INPP4B: variants seen among roughly 807,000 people sequenced by gnomAD.
INPP4B encodes inositol polyphosphate-4-phosphatase type II B, also known as inositol polyphosphate 4-phosphatase type II.
In INPP4B, 55 loss-of-function variants were observed where a neutral mutation model predicts 122.5. The observed-to-expected ratio is 0.45, with a 90% CI of 0.36 to 0.56. The LOEUF is 0.56. Among genes scored for constraint, INPP4B ranks in the 20% least tolerant of loss-of-function variants. The pLI is 0.00. For synonymous variants in INPP4B, 403 were observed against 388.7 expected (o/e 1.04, Z -0.43); for missense variants, 1,000 against 1,097.7 (o/e 0.91, Z 1.26).
chr4:142,398,191 C>T (rs1366761225), intron 7 of INPP4B, among the ~76,000 whole-genome samples: 5 of 150,750 alleles, frequency 3.3e-5, no homozygotes, highest in East Asian at 2.0e-4. Context: ...CTGGCTAACA[C>T]GGTGAAACCC....
chr4:142,816,688 A>C (rs1780157770), intron 1 of INPP4B, among the ~76,000 whole-genome samples: 1 of 152,152 alleles, frequency 6.6e-6, no homozygotes, highest in South Asian at 2.1e-4. Flanking sequence ...ATATATATAC[A>C]TACACACACA....
At chr4:142,567,354 A>T (rs555011071) in intron 2 of INPP4B, among the ~76,000 whole-genome samples, 7 of 152,080 alleles carry the variant, frequency 4.6e-5, no homozygotes, top group African/African-American at 1.7e-4. Context: ...ACAGGAAAGG[A>T]GGGGCAGGGC....
intron 7 of INPP4B, among the ~76,000 whole-genome samples, chr4:142,382,114 A>C (rs1326033782): frequency 1.3e-5 from 2 of 152,164 alleles, no homozygotes; most frequent in Admixed American, 6.6e-5. Context: ...AATTATGTTA[A>C]ATTTATGCAT....
chr4:142,227,897 GTA>G (rs1852321915), intron 12 of INPP4B, among the ~76,000 whole-genome samples: 1 of 127,586 alleles, frequency 7.8e-6, no homozygotes, highest in African/African-American at 2.9e-5. Flanking sequence ...AAATTAAACA[GTA>G]TGTTTCAAGA....
At position 142,601,942 on chromosome 4, in the gene INPP4B, G is replaced by A. The variant is rs561529195; in HGVS notation, c.-191+123897C>T. 6.8e-4 allele frequency among the ~76,000 whole-genome samples: 92 copies of A among 135,366 alleles called. 1 individual carries two copies. Among genetic ancestry groups the A allele is most frequent in the African/African-American group, 2.5e-3 (86 of 34,172 alleles). The allele number at this position is 135,366 out of a possible 152,430, so 88.8% of individuals were successfully genotyped here. ...CAAGATTGCACCACTGCACTCCAGC[G>A]TGGGTGACAGAGCAAGACTCCATCT... On this transcript the variant is annotated intron_variant, in intron 2 of 25. Transcript: ENST00000262992.
chr4:142,562,661 TAAAGA>T (rs1338462726), intron 2 of INPP4B, among the ~76,000 whole-genome samples: 1 of 151,658 alleles, frequency 6.6e-6, no homozygotes, highest in African/African-American at 2.4e-5. Flanking sequence ...CATTTTGTGT[TAAAGA>T]AAACAAAAGA....
intron 2 of INPP4B, among the ~76,000 whole-genome samples, chr4:142,562,547 A>G (rs1015088169): frequency 6.6e-6 from 1 of 152,202 alleles, no homozygotes; most frequent in Non-Finnish European, 1.5e-5. Flanking sequence ...GGAGACCAAG[A>G]GCAGGAAAGT....
At chr4:142,548,258 C>A (rs1353346528) in intron 2 of INPP4B, among the ~76,000 whole-genome samples, 1 of 152,136 alleles carries the variant, frequency 6.6e-6, no homozygotes, top group Non-Finnish European at 1.5e-5. Flanking sequence ...GAGAGAGTCA[C>A]AGACTCAATG....
chr4:142,518,361 T>C (rs180910878), intron 2 of INPP4B, among the ~76,000 whole-genome samples: 1 of 152,096 alleles, frequency 6.6e-6, no homozygotes, highest in Non-Finnish European at 1.5e-5. Flanking sequence ...AACATTAATA[T>C]AAAAAAGCAT....
Position 142,600,375 on chromosome 4 carries a change from T to C in INPP4B, c.-191+125464A>G, listed in dbSNP as rs981457645. ...CCAAGGGTACTATATCAAGCAAAAT[T>C]ATCCTTCACACATAAAAAGAAATAC... On this transcript the variant is annotated intron_variant, in intron 2 of 25. Transcript: ENST00000262992. Among the ~76,000 whole-genome samples the C allele has an allele frequency of 3.9e-5, 6 of 152,144 alleles. No individual in the cohort carries two copies. The East Asian group carries it at 1.2e-3, about 29-fold the overall frequency.
At chr4:142,844,154 C>T (rs1221114109) in intron 1 of INPP4B, among the ~76,000 whole-genome samples, 2 of 152,124 alleles carry the variant, frequency 1.3e-5, no homozygotes, top group East Asian at 3.9e-4. Flanking sequence ...CTGCCTATAC[C>T]TTTGACTGCA....
chr4:142,482,279 C>T (rs1257419728), intron 2 of INPP4B, among the ~76,000 whole-genome samples: 1 of 152,126 alleles, frequency 6.6e-6, no homozygotes, highest in Non-Finnish European at 1.5e-5. Flanking sequence ...TTTATTGCTT[C>T]CTATGTATGG....
At chr4:142,610,650 A>G (rs1742285067) in intron 2 of INPP4B, among the ~76,000 whole-genome samples, 1 of 152,180 alleles carries the variant, frequency 6.6e-6, no homozygotes, top group Admixed American at 6.5e-5. Context: ...TATTAGAAAA[A>G]CTGCATTATT....
intron 7 of INPP4B, among the ~76,000 whole-genome samples, chr4:142,376,621 C>T (rs1234545198): frequency 2.0e-5 from 3 of 151,978 alleles, no homozygotes; most frequent in South Asian, 2.1e-4. Context: ...CTTTAAAAGG[C>T]CGCTCTTAGC....
intron 1 of INPP4B, among the ~76,000 whole-genome samples, chr4:142,772,539 T>C (rs1196739956): frequency 6.6e-6 from 1 of 151,986 alleles, no homozygotes; most frequent in African/African-American, 2.4e-5. Context: ...TGAAGTCCAG[T>C]GTGGGCAGTA....
chr4:142,416,737 A>C (rs529110028), intron 5 of INPP4B, among the ~76,000 whole-genome samples: 7 of 152,306 alleles, frequency 4.6e-5, no homozygotes, highest in Admixed American at 4.6e-4. Flanking sequence ...GTTTCGCTTC[A>C]GTCATCAATC....
intron 2 of INPP4B, among the ~76,000 whole-genome samples, chr4:142,550,605 C>CACACACACAA (rs372706613): frequency 1.1e-4 from 1 of 8,890 alleles, no homozygotes. Flanking sequence ...CACACACACA[C>CACACACACAA]ATATATATAT....
intron 25 of INPP4B, among the ~76,000 whole-genome samples, chr4:142,043,750 T>C (rs188263162): frequency 1.8e-4 from 28 of 152,352 alleles, no homozygotes; most frequent in Admixed American, 1.6e-3. Flanking sequence ...GGCTATGTTG[T>C]AAATGTTTGT....
chr4:142,482,538 C>A (rs941383872), intron 2 of INPP4B, among the ~76,000 whole-genome samples: 1 of 152,120 alleles, frequency 6.6e-6, no homozygotes, highest in Non-Finnish European at 1.5e-5. Context: ...AGAACTTCAA[C>A]GCTAAATATT....
Sources: allele counts gnomAD v4.1 joint callset (sites outside exome capture counted in the v4.1 genomes callset), GRCh38; gene constraint gnomAD v4.1.1; transcripts MANE v1.5; gene names NCBI Gene and HGNC (gene_info 2026-07-23, HGNC 2026-07-21).